CNOT4: variants seen among roughly 807,000 people sequenced by gnomAD.
CNOT4 encodes CCR4-associated factor 4.
In CNOT4, 8 loss-of-function variants were observed where a neutral mutation model predicts 73.8. That is an observed-to-expected ratio of 0.11 (90% CI 0.06 to 0.20). CNOT4 has a LOEUF of 0.20. CNOT4 is among the 10% of genes least tolerant of loss of function. The pLI is 1.00. For missense variants in CNOT4, 564 were observed against 883.4 expected (o/e 0.64, Z 4.58); for synonymous variants, 293 against 321.1 (o/e 0.91, Z 0.94).
chr7:135,398,221 A>G lies in CNOT4; in HGVS notation c.827T>C (p.Ile276Thr). The change falls in exon 8 of 12, where the codon ATT becomes ACT. Residue 276 changes from isoleucine (I) to threonine (T), a missense_variant. By Grantham distance (89) the Ile-to-Thr change is moderately conservative. Transcript: ENST00000541284. ...VTPLQRYDTP[I>T]DKPSDSLSIG... Reference sequence around the variant, plus strand: ...ACTGAGAGAATCTGAAGGTTTGTCAATGGGGCTATAAAAAGAAAACAAATT... The same window carrying G: ...ACTGAGAGAATCTGAAGGTTTGTCAGTGGGGCTATAAAAAGAAAACAAATT... 2 of 1,515,482 alleles carry G rather than the reference A, an allele frequency of 1.3e-6. No homozygotes were observed. Among genetic ancestry groups the G allele is most frequent in the Non-Finnish European group, 1.8e-6 (2 of 1,091,470 alleles). The allele number at this position is 1,515,482 out of a possible 1,614,324, so 93.9% of individuals were successfully genotyped here.
intron 1 of CNOT4, among the ~76,000 whole-genome samples, chr7:135,489,064 T>C (rs1179981524): frequency 6.6e-6 from 1 of 152,098 alleles, no homozygotes; most frequent in Non-Finnish European, 1.5e-5. Flanking sequence ...TTAGTGAATA[T>C]ATAACAGATC....
At chr7:135,489,884 G>A (rs1344465441) in intron 1 of CNOT4, among the ~76,000 whole-genome samples, 1 of 152,192 alleles carries the variant, frequency 6.6e-6, no homozygotes, top group African/African-American at 2.4e-5. Context: ...ACAGTGATAT[G>A]ATTGTTGATC....
rs1563006444 is a variant in CNOT4 at position 135,364,099 on chromosome 7, A to AAAAAAAAAT, written c.1628-42_1628-34dup. On this transcript the variant is annotated intron_variant, in intron 10 of 11. Transcript: ENST00000541284. This position sits in a 1 kb window ranked among gnomAD's most constrained non-coding sequence, Gnocchi z 4.3. Reference sequence around the variant, plus strand: ...ATTTACCAACAAAAAAATGAAAGATAAAAAAAAATAAAAAGCTACGTTAGA... The same window carrying AAAAAAAAAT: ...ATTTACCAACAAAAAAATGAAAGATAAAAAAAAATAAAAAAAATAAAAAGCTACGTTAGA... 1 of 1,319,596 alleles carries AAAAAAAAAT rather than the reference A, an allele frequency of 7.6e-7. No individual in the cohort carries two copies. The highest frequency in any genetic ancestry group is 1.0e-6 in the Non-Finnish European group (1 of 956,500). The allele number at this position is 1,319,596 out of a possible 1,614,324, so 81.7% of individuals were successfully genotyped here.
intron 8 of CNOT4, among the ~76,000 whole-genome samples, 182 bp from the exon 9 acceptor site, chr7:135,396,065 T>TA (rs1796665158): frequency 6.7e-6 from 1 of 149,304 alleles, no homozygotes; most frequent in Admixed American, 6.7e-5. Context: ...ATATACTCTT[T>TA]AAAAAAATAT....
At chr7:135,489,267 T>C (rs963748089) in intron 1 of CNOT4, among the ~76,000 whole-genome samples, 2 of 151,954 alleles carry the variant, frequency 1.3e-5, no homozygotes, top group Non-Finnish European at 2.9e-5. Context: ...GCTCAACATA[T>C]AATCTATATT....
Position 135,414,410 on chromosome 7 carries a change from A to G in CNOT4, c.482T>C (p.Val161Ala), listed in dbSNP as rs1027975433. The stretch of plus-strand genomic sequence containing the variant: ...AGCGTCTTCTGACCGGATATAGGTT[A>G]CATAAGCACTGGCACTTGGACCCTA... ...GSQGPSASAYVTYIRSEDALR... is the reference protein window; with the variant it reads ...GSQGPSASAYATYIRSEDALR... The change falls in exon 5 of 12, where the codon GTA becomes GCA. Residue 161 changes from valine to alanine, a missense_variant. Coordinates refer to ENST00000541284, the MANE Select transcript of CNOT4 (RefSeq NM_001190850.2). 14 of 1,535,964 alleles carry G rather than the reference A, an allele frequency of 9.1e-6. No individual in the cohort carries two copies. The highest frequency in any genetic ancestry group is 4.1e-5 in the African/African-American group (3 of 73,172).
intron 2 of CNOT4, among the ~76,000 whole-genome samples, chr7:135,431,345 T>C (rs968788299): frequency 6.6e-6 from 1 of 152,220 alleles, no homozygotes. Context: ...ATCACCTATG[T>C]AGAAAATTCT....
At chr7:135,493,929 C>T (rs1369281590) in intron 1 of CNOT4, among the ~76,000 whole-genome samples, 1 of 152,034 alleles carries the variant, frequency 6.6e-6, no homozygotes, top group Non-Finnish European at 1.5e-5. Context: ...CTAATAAGCG[C>T]TCACGGATAG....
intron 1 of CNOT4, among the ~76,000 whole-genome samples, chr7:135,475,844 AG>A (rs1032397831): frequency 3.7e-4 from 56 of 152,074 alleles, no homozygotes; most frequent in African/African-American, 1.3e-3. Flanking sequence ...CCAGGAAGTC[AG>A]GGCTGCAGTG....
chr7:135,458,775 CTTCTAA>C (rs910736022), intron 1 of CNOT4, among the ~76,000 whole-genome samples: 26 of 152,034 alleles, frequency 1.7e-4, no homozygotes, highest in African/African-American at 5.8e-4. Context: ...TCAGGCTGTA[CTTCTAA>C]TTCTAGTCAT....
chr7:135,378,837 T>C (rs1203912760), intron 10 of CNOT4, among the ~76,000 whole-genome samples: 1 of 151,906 alleles, frequency 6.6e-6, no homozygotes, highest in Non-Finnish European at 1.5e-5. Flanking sequence ...ATACAAAAAT[T>C]AGCCACGCAT....
intron 1 of CNOT4, among the ~76,000 whole-genome samples, chr7:135,495,114 T>C (rs139857071): frequency 2.0e-5 from 3 of 152,292 alleles, no homozygotes; most frequent in African/African-American, 7.2e-5. Flanking sequence ...CAAGATCACA[T>C]GGTTAGCAAG....
chr7:135,505,265 G>A (rs114501974), intron 1 of CNOT4, among the ~76,000 whole-genome samples: 2,273 of 152,166 alleles, frequency 0.015, 58 homozygotes, highest in African/African-American at 0.052. Context: ...TAAAGAAGCC[G>A]TACTTGAGGC....
intron 1 of CNOT4, among the ~76,000 whole-genome samples, chr7:135,482,986 C>CA (rs36125617): frequency 0.055 from 2,364 of 43,050 alleles, 65 homozygotes; most frequent in Middle Eastern, 0.15. Context: ...GACTCCATAT[C>CA]AAAAAAAAAA....
chr7:135,461,532 T>C (rs1432057270), intron 1 of CNOT4, among the ~76,000 whole-genome samples: 2 of 151,964 alleles, frequency 1.3e-5, no homozygotes, highest in African/African-American at 4.8e-5. Context: ...TATTAAATCT[T>C]TGGAAATAAC....
At chr7:135,484,250 T>A (rs1802576494) in intron 1 of CNOT4, among the ~76,000 whole-genome samples, 2 of 152,018 alleles carry the variant, frequency 1.3e-5, no homozygotes, top group African/African-American at 4.8e-5. Context: ...TTCCCCTAAC[T>A]TCAAGTATAA....
chr7:135,494,808 A>G (rs758657607), intron 1 of CNOT4, among the ~76,000 whole-genome samples: 39 of 152,192 alleles, frequency 2.6e-4, no homozygotes, highest in African/African-American at 8.9e-4. Context: ...AGTTTTCTCC[A>G]ATAACATCCA....
intron 7 of CNOT4, among the ~76,000 whole-genome samples, chr7:135,409,736 T>C (rs1415482098): frequency 2.0e-5 from 3 of 152,060 alleles, no homozygotes; most frequent in Admixed American, 2.0e-4. Context: ...ACTTTTAAAA[T>C]TCATTTGATA....
intron 1 of CNOT4, among the ~76,000 whole-genome samples, chr7:135,494,890 T>C (rs115530138): frequency 0.012 from 1,772 of 152,348 alleles, 38 homozygotes; most frequent in African/African-American, 0.04. Flanking sequence ...TTTCTTCTTC[T>C]ATTTTTTCTT....
Sources: allele counts gnomAD v4.1 joint callset (sites outside exome capture counted in the v4.1 genomes callset), GRCh38; gene constraint gnomAD v4.1.1; non-coding constraint Gnocchi (gnomAD v3.1); transcripts MANE v1.5; gene names NCBI Gene and HGNC (gene_info 2026-07-23, HGNC 2026-07-21).